Variants in CCDC171 observed in about 807,000 individuals in gnomAD.
CCDC171 encodes the protein coiled-coil domain-containing protein 171.
A neutral mutation model predicts 168.2 loss-of-function variants in CCDC171; 177 were observed. The observed-to-expected ratio is 1.05, with a 90% CI of 0.93 to 1.19. The LOEUF (loss-of-function observed/expected upper bound fraction) is 1.19, where lower values mean the gene tolerates loss of function less well. CCDC171 is among the 50% of genes most tolerant of loss of function. The pLI, the probability that CCDC171 is intolerant of heterozygous loss-of-function variation, is 0.00. For missense variants in CCDC171, 1,991 were observed against 1,539.0 expected (o/e 1.29, Z -4.91); for synonymous variants, 687 against 540.8 (o/e 1.27, Z -3.75).
At chr9:15,687,992 G>A (rs1175589301) in intron 10 of CCDC171, among the ~76,000 whole-genome samples, 3 of 151,990 alleles carry the variant, frequency 2.0e-5, no homozygotes, top group Non-Finnish European at 4.4e-5. Flanking sequence ...GGTGGCGCAT[G>A]CCTGTAGTCC....
At chr9:15,728,086 T>A in intron 15 of CCDC171, 50 bp downstream of exon 15, 3 of 1,428,892 alleles carry the variant, frequency 2.1e-6, no homozygotes, top group Non-Finnish European at 2.9e-6. Flanking sequence ...GTGACATTTG[T>A]CCACATCACA....
At chr9:15,759,530 G>A (rs769618745) in intron 18 of CCDC171, among the ~76,000 whole-genome samples, 1 of 152,122 alleles carries the variant, frequency 6.6e-6, no homozygotes, top group African/African-American at 2.4e-5. Context: ...AGAATTATGT[G>A]TTGCATTTAG....
At chr9:15,778,643 C>CAAAATAA (rs2057480388) in intron 19 of CCDC171, among the ~76,000 whole-genome samples, 1 of 58,770 alleles carries the variant, frequency 1.7e-5, no homozygotes. Flanking sequence ...AAGACTGTCT[C>CAAAATAA]AAAAAAAAAA....
intron 6 of CCDC171, among the ~76,000 whole-genome samples, chr9:15,614,459 C>G (rs2043939625): frequency 6.6e-6 from 1 of 151,992 alleles, no homozygotes; most frequent in Non-Finnish European, 1.5e-5. Flanking sequence ...AATTGATTTC[C>G]CTGAATAAAT....
intron 21 of CCDC171, among the ~76,000 whole-genome samples, chr9:15,796,783 C>A (rs919588781): frequency 1.3e-5 from 2 of 152,226 alleles, no homozygotes; most frequent in East Asian, 1.9e-4. Context: ...GGAGCGTTGG[C>A]AGGGTGCAAG....
intron 6 of CCDC171, among the ~76,000 whole-genome samples, chr9:16,034,711 T>C (rs1253402783): frequency 6.6e-6 from 1 of 152,186 alleles, no homozygotes; most frequent in Non-Finnish European, 1.5e-5. Context: ...CAGGTGGCTT[T>C]AGTTTTTTGG....
chr9:15,758,071 C>T (rs2056234859), intron 18 of CCDC171, among the ~76,000 whole-genome samples: 1 of 152,144 alleles, frequency 6.6e-6, no homozygotes, highest in Non-Finnish European at 1.5e-5. Context: ...GGGGCATCTG[C>T]CTAGTGGAGC....
chr9:15,725,656 G>C (rs553047030), intron 14 of CCDC171, among the ~76,000 whole-genome samples: 1 of 152,170 alleles, frequency 6.6e-6, no homozygotes, highest in East Asian at 1.9e-4. Context: ...CACCATGTTA[G>C]CCAGGCTGGT....
chr9:15,702,599 C>T (rs1277742253), intron 11 of CCDC171, among the ~76,000 whole-genome samples: 1 of 152,080 alleles, frequency 6.6e-6, no homozygotes, highest in African/African-American at 2.4e-5. Context: ...TAAAGCCAGG[C>T]ATTGACTTCT....
At chr9:15,996,736 A>G (rs926667448) in intron 3 of CCDC171, among the ~76,000 whole-genome samples, 1 of 152,132 alleles carries the variant, frequency 6.6e-6, no homozygotes, top group African/African-American at 2.4e-5. Context: ...AGCTCTGAGA[A>G]TTAGTACTGA....
At position 15,791,046 on chromosome 9, in the gene CCDC171, G is replaced by A. The variant is rs533571493; in HGVS notation, c.3267+6352G>A. Among the ~76,000 whole-genome samples, 21 of 152,282 alleles carry A rather than the reference G, an allele frequency of 1.4e-4. No individual in the cohort carries two copies. In the East Asian group the frequency reaches 4.1e-3, roughly 29 times the overall value. ...CAGGTAGCGTGATGCCTCCAGCTTT[G>A]TTCTTTTTGCTTAGGATTGTCTTGG... is the stretch of plus-strand genomic sequence containing the variant. On this transcript the variant is annotated intron_variant, in intron 21 of 25. Coordinates refer to ENST00000380701, the MANE Select transcript of CCDC171 (RefSeq NM_173550.4).
chr9:15,914,491 C>T (rs1563992536), intron 24 of CCDC171, among the ~76,000 whole-genome samples: 1 of 152,128 alleles, frequency 6.6e-6, no homozygotes, highest in Non-Finnish European at 1.5e-5. Context: ...GTGGACATGT[C>T]TCCCCACACC....
intron 25 of CCDC171, among the ~76,000 whole-genome samples, chr9:15,925,535 A>G (rs1210715878): frequency 6.6e-6 from 1 of 151,390 alleles, no homozygotes; most frequent in African/African-American, 2.4e-5. Context: ...TAAAGGAGGA[A>G]TGAGCTCAGA....
intron 9 of CCDC171, among the ~76,000 whole-genome samples, chr9:15,667,206 C>A (rs1333773323): frequency 6.6e-6 from 1 of 152,094 alleles, no homozygotes; most frequent in South Asian, 2.1e-4. Context: ...ACCATTTCCC[C>A]CCCCAGAGGG....
chr9:15,565,841 C>T (rs911631715), intron 2 of CCDC171, among the ~76,000 whole-genome samples: 2 of 152,176 alleles, frequency 1.3e-5, no homozygotes, highest in Non-Finnish European at 2.9e-5. Context: ...TTTGTGTTGA[C>T]ATATGTTTTT....
chr9:15,951,254 C>T (rs1233872343), intron 25 of CCDC171, among the ~76,000 whole-genome samples: 1 of 146,262 alleles, frequency 6.8e-6, no homozygotes, highest in Non-Finnish European at 1.5e-5. Flanking sequence ...GAATTGAACT[C>T]GGCTCTGCAC....
At chr9:15,660,638 C>T (rs1564158379) in intron 8 of CCDC171, among the ~76,000 whole-genome samples, 1 of 152,150 alleles carries the variant, frequency 6.6e-6, no homozygotes, top group African/African-American at 2.4e-5. Context: ...CATGTTGTAG[C>T]ATAGGACATG....
intron 21 of CCDC171, among the ~76,000 whole-genome samples, chr9:15,787,070 G>A (rs577517576): frequency 1.3e-5 from 2 of 152,082 alleles, no homozygotes; most frequent in South Asian, 2.1e-4. Flanking sequence ...ATCATTTCCT[G>A]GCTGGTTGAA....
chr9:15,888,767 A>T (rs1273318611), intron 24 of CCDC171, among the ~76,000 whole-genome samples: 1 of 152,040 alleles, frequency 6.6e-6, no homozygotes, highest in South Asian at 2.1e-4. Flanking sequence ...CCCAAATCCC[A>T]CATCTGAAAT....
Sources: gnomAD v4.1 joint callset for allele counts (sites outside exome capture counted in the v4.1 genomes callset) on GRCh38, gnomAD v4.1.1 for gene constraint, MANE v1.5 for transcripts, NCBI Gene and HGNC (gene_info 2026-07-23, HGNC 2026-07-21) for gene names.